CHRNB1: variants seen among roughly 807,000 people sequenced by gnomAD.
CHRNB1 encodes cholinergic receptor nicotinic beta 1 subunit.
CHRNB1 carries 47 observed loss-of-function variants against 53.8 expected under a neutral mutation model. The ratio of observed to expected loss-of-function variants is 0.87; its 90% confidence interval spans 0.69 to 1.11. CHRNB1 has a LOEUF of 1.11. CHRNB1 is among the 50% of genes most tolerant of loss of function. CHRNB1 has a pLI of 0.00. For missense variants in CHRNB1, 605 were observed against 654.9 expected (o/e 0.92, Z 0.83); for synonymous variants, 259 against 263.5 (o/e 0.98, Z 0.16).
intron 5 of CHRNB1, 101 bp from the exon 6 acceptor site, chr17:7,447,402 C>T (rs2150838595): frequency 5.6e-6 from 8 of 1,420,480 alleles, no homozygotes; most frequent in Non-Finnish European, 7.9e-6. Flanking sequence ...CCTCCAATTC[C>T]TCCATGATTT....
At position 7,446,127 on chromosome 17, in the gene CHRNB1, A is replaced by G. The variant is rs376387886; in HGVS notation, c.243+14A>G. On this transcript the variant is annotated intron_variant, in intron 3 of 10. Transcript: ENST00000306071. ...TACTTAGACCTGGTATGGAGACCCC[A>G]CGGGGTGGGAAAGGGCTTCCCTCTG... 2.2e-4 allele frequency: 348 copies of G among 1,611,588 alleles called. 1 individual carries two copies. In the African/African-American group the frequency reaches 4.2e-3, roughly 20 times the overall value.
Position 7,456,510 on chromosome 17 carries a change from G to C in CHRNB1, c.1366-73G>C, listed in dbSNP as rs1292293366. On this transcript the variant is annotated intron_variant, in intron 10 of 10. Transcript: ENST00000306071. ...TGGTAGGAGGACTCAAGCGGGTAGC[G>C]GGCGGGGAAATGGGGGGGTTTCCCT... 3 of 1,597,986 alleles carry C rather than the reference G, an allele frequency of 1.9e-6. No individual in the cohort carries two copies. The Admixed American group carries it at 5.0e-5, about 27-fold the overall frequency.
chr17:7,449,732 A>G (rs920673738), intron 7 of CHRNB1, among the ~76,000 whole-genome samples: 3 of 150,960 alleles, frequency 2.0e-5, no homozygotes, highest in African/African-American at 4.9e-5. Context: ...TTAACCTCCT[A>G]TCTCCCTGGG....
chr17:7,456,645 C>T lies in CHRNB1; in HGVS notation c.1428C>T (p.Ile476=), dbSNP rs2069955778. 6.2e-7 allele frequency: 1 copy of T among 1,614,024 alleles called. No individual in the cohort carries two copies. Among genetic ancestry groups the T allele is most frequent in the Admixed American group, 1.7e-5 (1 of 59,996 alleles). ...ACCGCCTCTTCCTGTGGACTTTCAT[C>T]ATCTTCACCAGCGTTGGGACCCTAG... is the stretch of plus-strand genomic sequence containing the variant. ...VVDRLFLWTF[I]IFTSVGTLVI... is the part of the protein sequence containing the mutation. The change falls in exon 11 of 11, where the codon ATC becomes ATT. Residue 476 remains isoleucine (I), a synonymous_variant. Coordinates refer to ENST00000306071, the MANE Select transcript of CHRNB1 (RefSeq NM_000747.3).
In CHRNB1 at chr17:7,450,147, C is replaced by CT. The variant is rs200182831; in HGVS notation, c.820+1372dup. ...GATAACTTTTGGCAAATTCCTTAAT[C>CT]TTTTTTTTTTTTTCGAGACAGAGTT... On this transcript the variant is annotated intron_variant, in intron 7 of 10. Transcript: ENST00000306071. Among the ~76,000 whole-genome samples the CT allele has an allele frequency of 7.8e-4, 110 of 141,002 alleles. 1 individual carries two copies. The highest frequency in any genetic ancestry group is 8.7e-4 in the Non-Finnish European group (56 of 64,522). The allele number at this position is 141,002 out of a possible 152,430, so 92.5% of individuals were successfully genotyped here.
chr17:7,445,966 C>T lies in CHRNB1; in HGVS notation c.199-103C>T. Reference sequence around the variant, plus strand: ...GACTTGGACCCGAGAGGATGGGGCTCAGAAAAAGGGGGCGGCGTTCCCAGG... The same window carrying T: ...GACTTGGACCCGAGAGGATGGGGCTTAGAAAAAGGGGGCGGCGTTCCCAGG... On this transcript the variant is annotated intron_variant, in intron 2 of 10. Coordinates refer to ENST00000306071, the MANE Select transcript of CHRNB1 (RefSeq NM_000747.3). The surrounding 1 kb of genome is among the most constrained non-coding windows in gnomAD (Gnocchi z 5.7). 9.7e-7 allele frequency: 1 copy of T among 1,030,456 alleles called. No individual in the cohort carries two copies. The allele number at this position is 1,030,456 out of a possible 1,614,324, so 63.8% of individuals were successfully genotyped here.
In CHRNB1 at chr17:7,457,104, G is replaced by A. The variant is rs570897543; in HGVS notation, c.*381G>A. ...AGGCCAAGGCGGGCGGATCACCTGAGGTCGGGAGTTTGAGACCAGCCCGAC... is the reference window on the plus strand; with the variant it reads ...AGGCCAAGGCGGGCGGATCACCTGAAGTCGGGAGTTTGAGACCAGCCCGAC... On this transcript the variant is annotated 3_prime_UTR_variant, in exon 11 of 11. Coordinates refer to ENST00000306071, the MANE Select transcript of CHRNB1 (RefSeq NM_000747.3). The A allele has an allele frequency of 2.0e-4, 52 of 254,238 alleles. No homozygotes were observed. Among genetic ancestry groups the A allele is most frequent in the South Asian group, 1.5e-3 (37 of 24,202 alleles). 15.7% of individuals were successfully genotyped at this position (254,238 alleles called of 1,614,324 possible). A position where few individuals can be genotyped will look rare whatever the true frequency, so the allele number is the denominator to read the frequency against.
Position 7,445,620 on chromosome 17 carries a change from G to A in CHRNB1, c.198+211G>A, listed in dbSNP as rs1908574095. Reference sequence around the variant, plus strand: ...CGGGCCTGGAGTAGAACTGGGTAGGGTGAAGGACGGACCTGTGATCGGACC... The same window carrying A: ...CGGGCCTGGAGTAGAACTGGGTAGGATGAAGGACGGACCTGTGATCGGACC... On this transcript the variant is annotated intron_variant, in intron 2 of 10. Coordinates refer to ENST00000306071, the MANE Select transcript of CHRNB1 (RefSeq NM_000747.3). The surrounding 1 kb of genome is among the most constrained non-coding windows in gnomAD (Gnocchi z 5.7). The A allele has an allele frequency of 6.9e-7, 1 of 1,449,206 alleles. No homozygotes were observed. 89.8% of individuals were successfully genotyped at this position (1,449,206 alleles called of 1,614,324 possible).
At chr17:7,450,134 C>T (rs1005392477) in intron 7 of CHRNB1, among the ~76,000 whole-genome samples, 1 of 149,696 alleles carries the variant, frequency 6.7e-6, no homozygotes, top group Non-Finnish European at 1.5e-5. Context: ...TAACTTTTGG[C>T]AAATTCCTTA....
chr17:7,446,268 C>A, intron 3 of CHRNB1, 155 bp downstream of exon 3: 1 of 699,304 alleles, frequency 1.4e-6, no homozygotes, highest in Non-Finnish European at 2.6e-6. Context: ...AACTTTACTA[C>A]AGGAGTTACA....
At chr17:7,452,305 G>A (rs186915452) in intron 7 of CHRNB1, among the ~76,000 whole-genome samples, 62 of 152,122 alleles carry the variant, frequency 4.1e-4, no homozygotes, top group East Asian at 2.9e-3. Context: ...TGATCTGACC[G>A]CCTCAGCCTC....
At chr17:7,451,822 G>A (rs1448669952) in intron 7 of CHRNB1, among the ~76,000 whole-genome samples, 3 of 152,240 alleles carry the variant, frequency 2.0e-5, no homozygotes, top group East Asian at 3.9e-4. Context: ...TCCAGGGCCC[G>A]TCCTCCATGC....
At chr17:7,448,934 T>C (rs933421743) in intron 7 of CHRNB1, 146 bp downstream of exon 7, 4 of 820,890 alleles carry the variant, frequency 4.9e-6, no homozygotes, top group Admixed American at 2.0e-5. Context: ...TCCCGTTGAC[T>C]GCCACCTTTC....
At position 7,456,859 on chromosome 17, in the gene CHRNB1, T is replaced by C. The variant is rs182995220; in HGVS notation, c.*136T>C. On this transcript the variant is annotated 3_prime_UTR_variant, in exon 11 of 11. Coordinates refer to ENST00000306071, the MANE Select transcript of CHRNB1 (RefSeq NM_000747.3). Reference sequence around the variant, plus strand: ...TCTTATTTCGTTTCTGGGGACTGCATTGGACTGAGGGCTGGGTAGGCAGGT... The same window carrying C: ...TCTTATTTCGTTTCTGGGGACTGCACTGGACTGAGGGCTGGGTAGGCAGGT... 9.3e-6 allele frequency: 11 copies of C among 1,176,938 alleles called. No homozygotes were observed. Among genetic ancestry groups the C allele is most frequent in the Admixed American group, 8.0e-5 (4 of 50,164 alleles). 72.9% of individuals were successfully genotyped at this position (1,176,938 alleles called of 1,614,324 possible).
At position 7,457,464 on chromosome 17, in the gene CHRNB1, T is replaced by C. The variant is rs949372933; in HGVS notation, c.*741T>C. On this transcript the variant is annotated 3_prime_UTR_variant, in exon 11 of 11. Coordinates refer to ENST00000306071, the MANE Select transcript of CHRNB1 (RefSeq NM_000747.3). ...ATTAATAATGTTTATAAGCTGGGCA[T>C]GGTCGCTCAGGCCAGTAATCCCAGT... The C allele has an allele frequency of 6.6e-6, 1 of 152,214 alleles. No homozygotes were observed. The highest frequency in any genetic ancestry group is 1.5e-5 in the Non-Finnish European group (1 of 68,076). 9.4% of individuals were successfully genotyped at this position (152,214 alleles called of 1,614,324 possible).
chr17:7,449,612 G>A (rs113587582), intron 7 of CHRNB1, among the ~76,000 whole-genome samples: 2 of 151,640 alleles, frequency 1.3e-5, no homozygotes, highest in African/African-American at 4.8e-5. Flanking sequence ...GTTTCACCAT[G>A]TTGCCCAGCC....
chr17:7,448,486 C>T (rs893104584), intron 6 of CHRNB1, 93 bp from the exon 7 acceptor site: 4 of 1,214,536 alleles, frequency 3.3e-6, no homozygotes, highest in Non-Finnish European at 4.8e-6. Context: ...CAAGTCAGCC[C>T]TCTCAGGTCT....
Position 7,446,928 on chromosome 17 carries a change from G to T in CHRNB1, c.339G>T (p.Val113=), listed in dbSNP as rs909856677. The T allele has an allele frequency of 4.3e-6, 7 of 1,613,752 alleles. No individual in the cohort carries two copies. Among genetic ancestry groups the T allele is most frequent in the Non-Finnish European group, 5.9e-6 (7 of 1,179,908 alleles). The change falls in exon 4 of 11, where the codon GTG becomes GTT. Residue 113 remains valine, a synonymous_variant. Coordinates refer to ENST00000306071, the MANE Select transcript of CHRNB1 (RefSeq NM_000747.3). ...ITAESVWLPD[V]VLLNNNDGNF... The stretch of plus-strand genomic sequence containing the variant: ...CGGAATCCGTGTGGCTCCCTGACGT[G>T]GTGCTACTGAACAAGTAGGAGAACT...
At position 7,447,478 on chromosome 17, in the gene CHRNB1, T is replaced by G. The variant is rs989371052; in HGVS notation, c.463-25T>G. 7 of 1,613,876 alleles carry G rather than the reference T, an allele frequency of 4.3e-6. No individual in the cohort carries two copies. In the African/African-American group the frequency reaches 8.0e-5, roughly 18 times the overall value. On this transcript the variant is annotated intron_variant, in intron 5 of 10. Transcript: ENST00000306071. ...CAGCGCTGACTGGTTCTCTGGCAGCTCTAGTGACTCTCTCCTCCATCCAGG... is the reference window on the plus strand; with the variant it reads ...CAGCGCTGACTGGTTCTCTGGCAGCGCTAGTGACTCTCTCCTCCATCCAGG...
Sources: gnomAD v4.1 joint callset for allele counts (sites outside exome capture counted in the v4.1 genomes callset) on GRCh38, gnomAD v4.1.1 for gene constraint, Gnocchi (gnomAD v3.1) non-coding constraint, MANE v1.5 for transcripts, NCBI Gene and HGNC (gene_info 2026-07-23, HGNC 2026-07-21) for gene names.